Variants in SFXN5 observed in about 807,000 individuals in gnomAD.
SFXN5 encodes the protein sideroflexin-5.
Under a neutral mutation model 50.2 loss-of-function variants are expected in SFXN5, and 43 were observed. The ratio of observed to expected loss-of-function variants is 0.86; its 90% CI spans 0.67 to 1.11. The LOEUF is 1.11. Among genes scored for constraint, SFXN5 ranks in the 50% least tolerant of loss-of-function variants. The pLI is 0.00. For missense variants in SFXN5, 463 were observed against 454.1 expected, an observed-to-expected ratio of 1.02 and a Z score of -0.18; for synonymous variants, 203 against 185.8, an observed-to-expected ratio of 1.09 and a Z score of -0.75.
intron 2 of SFXN5, among the ~76,000 whole-genome samples, chr2:73,057,758 C>T (rs1682332712): frequency 6.6e-6 from 1 of 152,058 alleles, no homozygotes; most frequent in South Asian, 2.1e-4. Flanking sequence ...GGGGATGGTT[C>T]CCCCATGCTG....
At chr2:73,065,782 T>C (rs1033294206) in intron 1 of SFXN5, among the ~76,000 whole-genome samples, 6 of 152,192 alleles carry the variant, frequency 3.9e-5, no homozygotes, top group Non-Finnish European at 7.3e-5. Context: ...CTCGAACTCC[T>C]GTCATCAAGT....
chr2:73,037,351 C>A (rs1679117065), intron 3 of SFXN5, among the ~76,000 whole-genome samples: 1 of 152,180 alleles, frequency 6.6e-6, no homozygotes, highest in South Asian at 2.1e-4. Flanking sequence ...CCTGCTCTAT[C>A]CCCCAGGCCC....
At chr2:73,048,287 G>A (rs1171098272) in intron 2 of SFXN5, among the ~76,000 whole-genome samples, 1 of 152,050 alleles carries the variant, frequency 6.6e-6, no homozygotes, top group African/African-American at 2.4e-5. Context: ...ATGTGATCTC[G>A]GCTCACTGCA....
intron 6 of SFXN5, among the ~76,000 whole-genome samples, chr2:73,014,842 T>C (rs1675955380): frequency 6.6e-6 from 1 of 152,238 alleles, no homozygotes; most frequent in Admixed American, 6.5e-5. Context: ...TTTTTTTGTA[T>C]ACTTGTCTTA....
rs79811695 is a variant in SFXN5, at chr2:73,050,704, G to C, written c.171+7824C>G. ...TGAAATGCCTTCAGGGGTCATTCTC[G>C]CATTGTCTTAATGAATAGCACCTGG... On this transcript the variant is annotated intron_variant, in intron 2 of 13. Transcript: ENST00000272433. 2.6e-5 allele frequency among the ~76,000 whole-genome samples: 4 copies of C among 152,264 alleles called. No homozygotes were observed. In the East Asian group the frequency reaches 5.8e-4, roughly 22 times the overall value.
intron 1 of SFXN5, among the ~76,000 whole-genome samples, chr2:73,065,343 C>G (rs1401662104): frequency 6.6e-6 from 1 of 151,742 alleles, no homozygotes; most frequent in Non-Finnish European, 1.5e-5. Context: ...TCAAGCAATC[C>G]TCCTGCCTTG....
At chr2:73,019,459 C>T (rs1444036562) in intron 6 of SFXN5, 4 of 138,156 alleles carry the variant, frequency 2.9e-5, no homozygotes, top group Admixed American at 1.6e-4. Flanking sequence ...GACCGAGTCT[C>T]GCTCTGTTGC....
intron 13 of SFXN5, among the ~76,000 whole-genome samples, chr2:72,954,696 C>A (rs1177516276): frequency 6.6e-6 from 1 of 152,314 alleles, no homozygotes; most frequent in East Asian, 1.9e-4. Context: ...GTCTAGGGGC[C>A]ATAAGACACG....
chr2:73,068,288 G>C (rs945736959), intron 1 of SFXN5, among the ~76,000 whole-genome samples: 6 of 152,206 alleles, frequency 3.9e-5, no homozygotes, highest in African/African-American at 1.4e-4. Flanking sequence ...GCAGGCTTCT[G>C]TCAGGCCAGC....
chr2:73,000,362 G>C, intron 8 of SFXN5, 69 bp downstream of exon 8: 4 of 1,440,704 alleles, frequency 2.8e-6, no homozygotes, highest in Non-Finnish European at 3.8e-6. Flanking sequence ...GGCATGTCAC[G>C]CTGTAGGGAG....
At chr2:72,987,627 T>A (rs1672073368) in intron 10 of SFXN5, among the ~76,000 whole-genome samples, 1 of 151,900 alleles carries the variant, frequency 6.6e-6, no homozygotes, top group Non-Finnish European at 1.5e-5. Context: ...TGGTGGCGCA[T>A]GCCTGTAATC....
intron 1 of SFXN5, among the ~76,000 whole-genome samples, chr2:73,062,683 C>T (rs1430119651): frequency 2.6e-5 from 4 of 152,192 alleles, no homozygotes; most frequent in African/African-American, 9.7e-5. Flanking sequence ...AAAGAGCTCA[C>T]AGCCCATCAA....
At chr2:73,058,360 T>C in intron 2 of SFXN5, 168 bp downstream of exon 2, 1 of 604,038 alleles carries the variant, frequency 1.7e-6, no homozygotes. Flanking sequence ...GACACACAGA[T>C]ACATAAACAG....
At position 73,024,300 on chromosome 2, in the gene SFXN5, G is replaced by T. The variant is rs1324325607; in HGVS notation, c.250-1086C>A. Among the ~76,000 whole-genome samples, 3 of 152,262 alleles carry T rather than the reference G, an allele frequency of 2.0e-5. No homozygotes were observed. The East Asian group carries it at 5.8e-4, about 29-fold the overall frequency. On this transcript the variant is annotated intron_variant, in intron 3 of 13. Coordinates refer to ENST00000272433, the MANE Select transcript of SFXN5 (RefSeq NM_144579.3). ...GCCTCCCAAGGTGCTGAGATTACAGGTGTGAGCCACCATGCCCAGCCCAGG... is the reference window on the plus strand; with the variant it reads ...GCCTCCCAAGGTGCTGAGATTACAGTTGTGAGCCACCATGCCCAGCCCAGG...
At position 73,068,787 on chromosome 2, in the gene SFXN5, T is replaced by G. The variant is rs568150894; in HGVS notation, c.102+2817A>C. On this transcript the variant is annotated intron_variant, in intron 1 of 13. Coordinates refer to ENST00000272433, the MANE Select transcript of SFXN5 (RefSeq NM_144579.3). Reference sequence around the variant, plus strand: ...CAAAGAAATACTCATCACAAATCAATGTATACACCGAGAAAGGTACTTTGC... The same window carrying G: ...CAAAGAAATACTCATCACAAATCAAGGTATACACCGAGAAAGGTACTTTGC... 7.3e-5 allele frequency among the ~76,000 whole-genome samples: 11 copies of G among 151,324 alleles called. No homozygotes were observed. In the East Asian group the frequency reaches 2.1e-3, roughly 30 times the overall value.
intron 3 of SFXN5, among the ~76,000 whole-genome samples, chr2:73,026,263 G>T (rs531174442): frequency 1.3e-5 from 2 of 151,912 alleles, no homozygotes; most frequent in East Asian, 3.9e-4. Flanking sequence ...CAGTAGCTGG[G>T]ATTACAGGCG....
At chr2:72,977,322 T>C (rs1273102577) in intron 10 of SFXN5, among the ~76,000 whole-genome samples, 1 of 152,224 alleles carries the variant, frequency 6.6e-6, no homozygotes, top group Non-Finnish European at 1.5e-5. Flanking sequence ...TGAGGGTTTC[T>C]GCTAATTTCA....
intron 6 of SFXN5, among the ~76,000 whole-genome samples, chr2:73,005,695 C>T (rs918272298): frequency 1.3e-5 from 2 of 152,164 alleles, no homozygotes; most frequent in Non-Finnish European, 2.9e-5. Context: ...ATCTCCATCT[C>T]GGGAACACAA....
intron 2 of SFXN5, among the ~76,000 whole-genome samples, chr2:73,050,420 A>ACACACACACACACACACACACACACACAC (rs1553523879): frequency 7.1e-6 from 1 of 140,676 alleles, no homozygotes; most frequent in African/African-American, 2.5e-5. Flanking sequence ...ACACACACAC[A>ACACACACACACACACACACACACACACAC]CCCCTGCAGA....
Sources: allele counts gnomAD v4.1 joint callset (sites outside exome capture counted in the v4.1 genomes callset), GRCh38; gene constraint gnomAD v4.1.1; transcripts MANE v1.5; gene names NCBI Gene and HGNC (gene_info 2026-07-23, HGNC 2026-07-21).